Variants in ST18 observed in about 807,000 individuals in gnomAD.
The protein encoded by ST18 is suppression of tumorigenicity 18 protein.
A neutral mutation model predicts 110.0 loss-of-function variants in ST18; 50 were observed. The ratio of observed to expected loss-of-function variants is 0.45; its 90% CI spans 0.36 to 0.58. The LOEUF is 0.58. ST18 is among the 20% of genes least tolerant of loss of function. The probability of loss-of-function intolerance (pLI) is 0.00; values close to 1 mark genes in which losing one functional copy is unlikely to be tolerated. For missense variants in ST18, 1,306 were observed against 1,280.1 expected, an observed-to-expected ratio of 1.02 and a Z score of -0.31; for synonymous variants, 461 against 452.4, an observed-to-expected ratio of 1.02 and a Z score of -0.24.
chr8:52,371,441 CAAT>C (rs1830238078), intron 2 of ST18, among the ~76,000 whole-genome samples: 1 of 152,068 alleles, frequency 6.6e-6, no homozygotes, highest in African/African-American at 2.4e-5. Context: ...TCACATATGA[CAAT>C]GATGCTCTCA....
rs1236463237 is a variant in ST18 at position 52,202,335 on chromosome 8, C to T, written c.86+9744G>A. On this transcript the variant is annotated intron_variant, in intron 8 of 25. Transcript: ENST00000689386. Reference sequence around the variant, plus strand: ...TTCTCTAGTAACATCATGTACGAGGCCTACACTGGTAAATAAAATAAATTT... The same window carrying T: ...TTCTCTAGTAACATCATGTACGAGGTCTACACTGGTAAATAAAATAAATTT... Among the ~76,000 whole-genome samples, 4 of 151,852 alleles carry T rather than the reference C, an allele frequency of 2.6e-5. No individual in the cohort carries two copies. In the South Asian group the frequency reaches 6.2e-4, roughly 24 times the overall value.
At position 52,116,358 on chromosome 8, in the gene ST18, T is replaced by G. The variant is rs769668358; in HGVS notation, c.2920A>C (p.Asn974His). ...IEEENKLIEQ[N>H]NESLLKELAG... is the part of the protein sequence containing the mutation. Reference sequence around the variant, plus strand: ...AGCTCTTTCAGCAGACTTTCATTGTTCTGTTCTATGAGTTTGTTCTCCTCC... The same window carrying G: ...AGCTCTTTCAGCAGACTTTCATTGTGCTGTTCTATGAGTTTGTTCTCCTCC... Residue 974 changes from asparagine to histidine, a missense_variant, in exon 25 of 26, where the codon AAC becomes CAC. Transcript: ENST00000689386. 1.2e-6 allele frequency: 2 copies of G among 1,614,056 alleles called. No homozygotes were observed. The highest frequency in any genetic ancestry group is 4.5e-5 in the East Asian group (2 of 44,872).
At chr8:52,394,145 T>G (rs1840292864) in intron 2 of ST18, among the ~76,000 whole-genome samples, 1 of 152,146 alleles carries the variant, frequency 6.6e-6, no homozygotes, top group Non-Finnish European at 1.5e-5. Flanking sequence ...CCTGTCTTAA[T>G]GAAGGGCATC....
At chr8:52,389,437 G>A (rs1161553862) in intron 2 of ST18, among the ~76,000 whole-genome samples, 3 of 152,106 alleles carry the variant, frequency 2.0e-5, no homozygotes, top group African/African-American at 4.8e-5. Context: ...ACCCAGGGAC[G>A]CCGGAATGCA....
intron 16 of ST18, among the ~76,000 whole-genome samples, chr8:52,149,109 A>G (rs2058138229): frequency 6.6e-6 from 1 of 152,262 alleles, no homozygotes; most frequent in African/African-American, 2.4e-5. Flanking sequence ...GGCTCAAGCC[A>G]TAAGGCGAAG....
At chr8:52,164,479 T>A (rs763729808) in intron 12 of ST18, among the ~76,000 whole-genome samples, 1 of 152,242 alleles carries the variant, frequency 6.6e-6, no homozygotes, top group Non-Finnish European at 1.5e-5. Flanking sequence ...GAACTCAGTT[T>A]TTCACCTTAG....
At chr8:52,113,436 G>A in intron 25 of ST18, 98 bp from the exon 26 acceptor site, 1 of 1,461,508 alleles carries the variant, frequency 6.8e-7, no homozygotes, top group Non-Finnish European at 9.4e-7. Context: ...CGGGAGTCGG[G>A]AGGGAAGGCA....
In ST18 at chr8:52,172,345, A is replaced by C. The variant is rs774434464; in HGVS notation, c.516T>G (p.Ser172=). ...CATCAATCTTGTCTCTTCCATCATCAGAATGAATCAGAAAGCACTCGTCTG... is the reference window on the plus strand; with the variant it reads ...CATCAATCTTGTCTCTTCCATCATCCGAATGAATCAGAAAGCACTCGTCTG... The part of the protein sequence containing the change: ...DEADECFLIH[S]DDGRDKIDDS... The change falls in exon 10 of 26, where the codon TCT becomes TCG. Residue 172 remains serine, a synonymous_variant. Coordinates refer to ENST00000689386, the MANE Select transcript of ST18 (RefSeq NM_001352837.2). 1 of 1,614,176 alleles carries C rather than the reference A, an allele frequency of 6.2e-7. No homozygotes were observed. The highest frequency in any genetic ancestry group is 8.5e-7 in the Non-Finnish European group (1 of 1,180,034).
At chr8:52,127,278 C>T (rs6473687) in intron 22 of ST18, among the ~76,000 whole-genome samples, 44,314 of 151,936 alleles carry the variant, frequency 0.29, 9,166 homozygotes, top group African/African-American at 0.59. Context: ...ATAGAAAAGG[C>T]TATGCAGTTT....
intron 2 of ST18, among the ~76,000 whole-genome samples, chr8:52,393,320 A>G (rs953587366): frequency 2.6e-5 from 4 of 152,204 alleles, no homozygotes; most frequent in Non-Finnish European, 2.9e-5. Context: ...GACCCTTTAG[A>G]GTTCACAACA....
In ST18 at chr8:52,299,819, T is replaced by C. The variant is rs548189313; in HGVS notation, c.-464-69742A>G. Among the ~76,000 whole-genome samples the C allele has an allele frequency of 3.3e-5, 5 of 152,212 alleles. No homozygotes were observed. The South Asian group carries it at 6.2e-4, about 19-fold the overall frequency. On this transcript the variant is annotated intron_variant, in intron 2 of 25. Transcript: ENST00000689386. Reference sequence around the variant, plus strand: ...TTCACCTCTGGGTTACAAACACTCATGGAAGTTTACTTTTCTGCCACAGAG... The same window carrying C: ...TTCACCTCTGGGTTACAAACACTCACGGAAGTTTACTTTTCTGCCACAGAG...
At chr8:52,122,086 C>T (rs1022332817) in intron 23 of ST18, among the ~76,000 whole-genome samples, 3 of 152,130 alleles carry the variant, frequency 2.0e-5, no homozygotes, top group East Asian at 1.9e-4. Flanking sequence ...CCTGCTGATC[C>T]GCCTTCCTTG....
intron 2 of ST18, among the ~76,000 whole-genome samples, chr8:52,293,091 T>C (rs1205215637): frequency 6.6e-6 from 1 of 152,246 alleles, no homozygotes; most frequent in African/African-American, 2.4e-5. Context: ...TGTCCGCATA[T>C]ATACCCCTAA....
Position 52,166,903 on chromosome 8 carries a change from G to A in ST18, c.1153C>T (p.His385Tyr). The part of the protein sequence containing the change: ...GTGHVTGLYP[H>Y]HRSLSGCPHK... The stretch of plus-strand genomic sequence containing the variant: ...GGGCACCCCGAAAGGCTGCGGTGGT[G>A]CGGGTAGAGCCCTGTCACGTGTCCC... Residue 385 changes from histidine to tyrosine, a missense_variant, in exon 11 of 26, where the codon CAC (histidine) becomes TAC (tyrosine). Coordinates refer to ENST00000689386, the MANE Select transcript of ST18 (RefSeq NM_001352837.2). The A allele has an allele frequency of 6.2e-7, 1 of 1,610,002 alleles. No individual in the cohort carries two copies. Among genetic ancestry groups the A allele is most frequent in the South Asian group, 1.1e-5 (1 of 90,634 alleles).
intron 2 of ST18, among the ~76,000 whole-genome samples, chr8:52,355,235 A>G (rs1055279619): frequency 2.6e-5 from 4 of 152,152 alleles, no homozygotes; most frequent in Admixed American, 6.5e-5. Context: ...GTGCCAAAGG[A>G]ATGTTCCCAC....
At chr8:52,235,767 A>G (rs1453627751) in intron 2 of ST18, among the ~76,000 whole-genome samples, 2 of 152,196 alleles carry the variant, frequency 1.3e-5, no homozygotes, top group Admixed American at 1.3e-4. Flanking sequence ...GAAAATACAA[A>G]TGGGTAAAAA....
chr8:52,399,585 C>A (rs1191637714), intron 2 of ST18, among the ~76,000 whole-genome samples: 1 of 151,646 alleles, frequency 6.6e-6, no homozygotes, highest in Non-Finnish European at 1.5e-5. Context: ...AAACTTGCCT[C>A]TTAGTACTAT....
At chr8:52,125,218 AG>A (rs1326769436) in intron 23 of ST18, among the ~76,000 whole-genome samples, 2 of 152,304 alleles carry the variant, frequency 1.3e-5, no homozygotes, top group Non-Finnish European at 2.9e-5. Flanking sequence ...GGAAATATCT[AG>A]GGAAATGTAG....
intron 2 of ST18, among the ~76,000 whole-genome samples, chr8:52,264,340 C>T (rs1216523151): frequency 2.0e-5 from 3 of 152,158 alleles, no homozygotes; most frequent in Non-Finnish European, 4.4e-5. Flanking sequence ...ATGTTTCACA[C>T]ATCTGGGGTT....
Sources: allele counts gnomAD v4.1 joint callset (sites outside exome capture counted in the v4.1 genomes callset), GRCh38; gene constraint gnomAD v4.1.1; transcripts MANE v1.5; gene names NCBI Gene and HGNC (gene_info 2026-07-23, HGNC 2026-07-21).